Variants in PRICKLE2 observed in about 807,000 individuals in gnomAD.
PRICKLE2 encodes prickle-like protein 2.
A neutral mutation model predicts 81.4 loss-of-function variants in PRICKLE2; 21 were observed. The observed-to-expected ratio is 0.26, with a 90% CI of 0.18 to 0.37. PRICKLE2 has a LOEUF of 0.37. PRICKLE2 is among the 10% of genes least tolerant of loss of function. The probability of loss-of-function intolerance (pLI) is 1.00; values close to 1 mark genes in which losing one functional copy is unlikely to be tolerated. For synonymous variants in PRICKLE2, 456 were observed against 421.5 expected (o/e 1.08, Z -1.00); for missense variants, 940 against 1,109.0 (o/e 0.85, Z 2.16).
intron 2 of PRICKLE2, among the ~76,000 whole-genome samples, chr3:64,252,315 G>A (rs1186546100): frequency 6.6e-6 from 1 of 152,168 alleles, no homozygotes; most frequent in Non-Finnish European, 1.5e-5. Context: ...CTTTCTCCCA[G>A]GAAAGTTCAA....
Position 64,194,243 on chromosome 3 carries a change from C to G in PRICKLE2, c.144+4541G>C, listed in dbSNP as rs539693897. ...CTGCTCAAGCAACGTGGGATCCCCACTTTTTCACTCTGCTGAATACTCGAC... is the reference window on the plus strand; with the variant it reads ...CTGCTCAAGCAACGTGGGATCCCCAGTTTTTCACTCTGCTGAATACTCGAC... On this transcript the variant is annotated intron_variant, in intron 2 of 7. Coordinates refer to ENST00000638394, the MANE Select transcript of PRICKLE2 (RefSeq NM_198859.4). 196 of 152,354 alleles carry G rather than the reference C, an allele frequency of 1.3e-3. 1 individual carries two copies. Among genetic ancestry groups the G allele is most frequent in the Admixed American group, 2.2e-3 (33 of 15,302 alleles). 9.4% of individuals were successfully genotyped at this position (152,354 alleles called of 1,614,324 possible).
Position 64,099,146 on chromosome 3 carries a change from T to C in PRICKLE2, c.2440A>G (p.Ser814Gly). The C allele has an allele frequency of 6.2e-7, 1 of 1,614,226 alleles. No homozygotes were observed. The highest frequency in any genetic ancestry group is 8.5e-7 in the Non-Finnish European group (1 of 1,180,034). Residue 814 changes from serine to glycine, a missense_variant, in exon 8 of 8, where the codon AGC becomes GGC. Physicochemically the swap from Ser to Gly is moderately conservative, Grantham distance 56. Around this residue, in one of 2 missense-constraint regions of PRICKLE2, gnomAD observed 670 missense variants for 717.2 expected, o/e 0.93. Coordinates refer to ENST00000638394, the MANE Select transcript of PRICKLE2 (RefSeq NM_198859.4). This position sits in a 1 kb window ranked among gnomAD's most constrained non-coding sequence, Gnocchi z 4.3. ...GAAGATTTGGGGAGGCCGTAGGAGC[T>C]GTATTTGTGCAGCAGCTCATCGCTT... is the stretch of plus-strand genomic sequence containing the variant. ...VTSDELLHKY[S>G]SYGLPKSSTL...
chr3:64,252,793 C>T (rs2079467329), intron 2 of PRICKLE2, among the ~76,000 whole-genome samples: 1 of 152,142 alleles, frequency 6.6e-6, no homozygotes, highest in African/African-American at 2.4e-5. Context: ...AAACTTTTTC[C>T]TATTAAGGGT....
intron 7 of PRICKLE2, chr3:64,141,746 T>C (rs2077365876): frequency 3.1e-6 from 3 of 956,264 alleles, no homozygotes; most frequent in Non-Finnish European, 3.7e-6. Context: ...AGCTATCTGT[T>C]TTTTCAGATC....
At chr3:64,151,255 G>A (rs2077542815) in intron 6 of PRICKLE2, among the ~76,000 whole-genome samples, 1 of 152,220 alleles carries the variant, frequency 6.6e-6, no homozygotes, top group African/African-American at 2.4e-5. Flanking sequence ...TGGTAAAAAA[G>A]TGGATTTAAA....
chr3:64,120,654 G>C (rs2077010289), intron 7 of PRICKLE2, among the ~76,000 whole-genome samples: 1 of 152,140 alleles, frequency 6.6e-6, no homozygotes, highest in Non-Finnish European at 1.5e-5. Context: ...GACCACATTT[G>C]GAACAGCAAA....
At chr3:64,115,238 G>A (rs940373015) in intron 7 of PRICKLE2, among the ~76,000 whole-genome samples, 4 of 152,178 alleles carry the variant, frequency 2.6e-5, no homozygotes, top group Admixed American at 6.5e-5. Context: ...ACCAGCCTCT[G>A]TAAAAACACA....
In PRICKLE2 at chr3:64,099,354, C is replaced by A. The variant is rs1395274043; in HGVS notation, c.2232G>T (p.Leu744=). 2.5e-6 allele frequency: 4 copies of A among 1,614,000 alleles called. No individual in the cohort carries two copies. Among genetic ancestry groups the A allele is most frequent in the Non-Finnish European group, 3.4e-6 (4 of 1,179,936 alleles). ...ESMGHGSRRD[L]YGQCPRTVSD... is the part of the protein sequence containing the mutation. Reference sequence around the variant, plus strand: ...ACACAGTCCTAGGGCACTGGCCGTACAGGTCCCTCCGGGACCCATGCCCCA... The same window carrying A: ...ACACAGTCCTAGGGCACTGGCCGTAAAGGTCCCTCCGGGACCCATGCCCCA... Residue 744 remains leucine, a synonymous_variant, in exon 8 of 8, where the codon CTG becomes CTT. Transcript: ENST00000638394. The surrounding 1 kb of genome is among the most constrained non-coding windows in gnomAD (Gnocchi z 4.3).
intron 2 of PRICKLE2, among the ~76,000 whole-genome samples, chr3:64,195,858 T>C (rs747367187): frequency 2.0e-5 from 3 of 152,216 alleles, no homozygotes; most frequent in Non-Finnish European, 4.4e-5. Context: ...ATTGTCTCTC[T>C]CTGCAGAGCT....
Position 64,147,774 on chromosome 3 carries a change from G to T in PRICKLE2, c.788-72C>A, listed in dbSNP as rs774959203. The T allele has an allele frequency of 1.7e-4, 255 of 1,545,416 alleles. 1 individual carries two copies. The highest frequency in any genetic ancestry group is 2.3e-4 in the Non-Finnish European group (254 of 1,119,888). On this transcript the variant is annotated intron_variant, in intron 6 of 7. Coordinates refer to ENST00000638394, the MANE Select transcript of PRICKLE2 (RefSeq NM_198859.4). This position sits in a 1 kb window ranked among gnomAD's most constrained non-coding sequence, Gnocchi z 5.0. ...TCTGCACTGGGACGTGAAACACATA[G>T]CACCTTGGTTTGTCTCAGGATTCCA...
At chr3:64,129,462 A>C (rs2077167078) in intron 7 of PRICKLE2, among the ~76,000 whole-genome samples, 2 of 152,204 alleles carry the variant, frequency 1.3e-5, no homozygotes, top group African/African-American at 4.8e-5. Context: ...AAAAGAGGAC[A>C]GTCTCTGGAC....
chr3:64,174,386 T>G (rs1410630859), intron 2 of PRICKLE2: 1 of 152,206 alleles, frequency 6.6e-6, no homozygotes, highest in African/African-American at 2.4e-5. Flanking sequence ...AGGTGGCTCC[T>G]GCAAGGCACT....
At chr3:64,153,574 AT>A (rs2077579729) in intron 5 of PRICKLE2, 3 of 571,002 alleles carry the variant, frequency 5.3e-6, no homozygotes, top group Non-Finnish European at 9.3e-6. Flanking sequence ...ATTAAACATG[AT>A]TTCTGGCCTA....
At chr3:64,222,630 C>T (rs1282866506) in intron 1 of PRICKLE2, among the ~76,000 whole-genome samples, 1 of 152,090 alleles carries the variant, frequency 6.6e-6, no homozygotes, top group Non-Finnish European at 1.5e-5. Context: ...TATTCCTTTC[C>T]CTTAGCAGCC....
At chr3:64,161,659 C>T (rs1171244728) in intron 3 of PRICKLE2, among the ~76,000 whole-genome samples, 1 of 144,032 alleles carries the variant, frequency 6.9e-6, no homozygotes, top group East Asian at 2.1e-4. Context: ...ATAAACACAA[C>T]AAACCACTAA....
At chr3:64,112,180 T>A (rs11130957) in intron 7 of PRICKLE2, among the ~76,000 whole-genome samples, 2 of 152,008 alleles carry the variant, frequency 1.3e-5, no homozygotes, top group South Asian at 2.1e-4. Flanking sequence ...GCTCTTACCC[T>A]TGGCCAAATT....
At chr3:64,228,670 T>C (rs961365360), upstream of PRICKLE2, among the ~76,000 whole-genome samples, 2 of 152,152 alleles carry the variant, frequency 1.3e-5, no homozygotes, top group Admixed American at 6.5e-5. Flanking sequence ...TCCACATTCA[T>C]GACAGCAAAC....
rs749081648 is a variant in PRICKLE2 at position 64,099,034 on chromosome 3, C to G, written c.*17G>C. On this transcript the variant is annotated 3_prime_UTR_variant, in exon 8 of 8. Transcript: ENST00000638394. The surrounding 1 kb of genome is among the most constrained non-coding windows in gnomAD (Gnocchi z 4.3). ...TTCTTAGCTCCCATCTTCTCCCATT[C>G]CCTGATCCCAATCATATTAAGAAAT... The G allele has an allele frequency of 5.0e-6, 8 of 1,613,952 alleles. No homozygotes were observed. The highest frequency in any genetic ancestry group is 5.9e-6 in the Non-Finnish European group (7 of 1,179,956).
At chr3:64,201,176 G>C (rs191173145) in intron 1 of PRICKLE2, among the ~76,000 whole-genome samples, 1,683 of 151,838 alleles carry the variant, frequency 0.011, 29 homozygotes, top group African/African-American at 0.039. Context: ...TGATCCGCCT[G>C]CCTCGGCCTC....
Sources: gnomAD v4.1 joint callset for allele counts (sites outside exome capture counted in the v4.1 genomes callset) on GRCh38, gnomAD v4.1.1 for gene constraint, gnomAD v4.1.1 regional missense constraint, Gnocchi (gnomAD v3.1) non-coding constraint, MANE v1.5 for transcripts, NCBI Gene and HGNC (gene_info 2026-07-23, HGNC 2026-07-21) for gene names.